ADK: variants seen among roughly 807,000 people sequenced by gnomAD.
ADK encodes the protein adenosine kinase.
In ADK, 24 loss-of-function variants were observed where a neutral mutation model predicts 44.7. That is an observed-to-expected ratio of 0.54 (90% CI 0.39 to 0.76). The LOEUF (loss-of-function observed/expected upper bound fraction) is 0.76. Ranked by LOEUF, ADK falls within the 30% of genes least tolerant of loss-of-function variation. The probability of loss-of-function intolerance (pLI) is 0.00; values close to 1 mark genes in which losing one functional copy is unlikely to be tolerated. For missense variants in ADK, 321 were observed against 425.1 expected (o/e 0.76, Z 2.15); for synonymous variants, 128 against 142.6 (o/e 0.90, Z 0.73).
Position 74,531,775 on chromosome 10 carries a change from CT to C in ADK, c.726+6351del, listed in dbSNP as rs200002761. Among the ~76,000 whole-genome samples the C allele has an allele frequency of 5.0e-3, 761 of 152,166 alleles. 4 individuals carry two copies. The highest frequency in any genetic ancestry group is 0.016 in the African/African-American group (681 of 41,526). On this transcript the variant is annotated intron_variant, in intron 7 of 10. Coordinates refer to ENST00000539909, the MANE Select transcript of ADK (RefSeq NM_006721.4). ...TCAACCTCCTGCACTGAAGCGAGTC[CT>C]TCTACCTCAGCCTCCCAAAGTGCTG...
chr10:74,627,127 A>G (rs1405541090), intron 9 of ADK, among the ~76,000 whole-genome samples: 1 of 152,122 alleles, frequency 6.6e-6, no homozygotes. Flanking sequence ...CATAGCATAT[A>G]TATATAAGCT....
chr10:74,636,976 A>C (rs114727424), intron 9 of ADK, among the ~76,000 whole-genome samples: 462 of 152,360 alleles, frequency 3.0e-3, no homozygotes, highest in African/African-American at 0.011. Context: ...GGATCACATC[A>C]CTAAGGGCAA....
In ADK at chr10:74,602,105, CAAAAAAA is replaced by C. The variant is rs58400071; in HGVS notation, c.877+1630_877+1636del. ...GGATGACAGACCAAGACCCTGTCTCCAAAAAAAAAAAAAAAAAAAAAAAAGAACGGAG... is the reference window on the plus strand; with the variant it reads ...GGATGACAGACCAAGACCCTGTCTCCAAAAAAAAAAAAAAAAAGAACGGAG... On this transcript the variant is annotated intron_variant, in intron 9 of 10. Coordinates refer to ENST00000539909, the MANE Select transcript of ADK (RefSeq NM_006721.4). Among the ~76,000 whole-genome samples, 3 of 48,788 alleles carry C rather than the reference CAAAAAAA, an allele frequency of 6.1e-5. No individual in the cohort carries two copies. The South Asian group carries it at 3.0e-3, about 49-fold the overall frequency. The allele number at this position is 48,788 out of a possible 152,430, so 32.0% of individuals were successfully genotyped here.
At position 74,317,484 on chromosome 10, in the gene ADK, G is replaced by C. The variant is rs11597376; in HGVS notation, c.273+2739G>C. 8.9e-3 allele frequency among the ~76,000 whole-genome samples: 1,345 copies of C among 151,314 alleles called. 14 individuals carry two copies. Among genetic ancestry groups the C allele is most frequent in the Non-Finnish European group, 0.014 (956 of 67,850 alleles). ...CTCATGCCTGTAATCCCAGCATTTTGAGAGGCTAAGTTAGGAGAATCGCTT... is the reference window on the plus strand; with the variant it reads ...CTCATGCCTGTAATCCCAGCATTTTCAGAGGCTAAGTTAGGAGAATCGCTT... On this transcript the variant is annotated intron_variant, in intron 4 of 10. Coordinates refer to ENST00000539909, the MANE Select transcript of ADK (RefSeq NM_006721.4).
chr10:74,389,742 T>C (rs1843273295), intron 4 of ADK, among the ~76,000 whole-genome samples: 1 of 152,184 alleles, frequency 6.6e-6, no homozygotes, highest in Admixed American at 6.5e-5. Flanking sequence ...AAATATTCGA[T>C]AGTAAAAGGA....
intron 4 of ADK, among the ~76,000 whole-genome samples, chr10:74,384,442 G>T (rs1367040657): frequency 3.3e-5 from 5 of 152,296 alleles, no homozygotes; most frequent in South Asian, 2.1e-4. Flanking sequence ...GGCCGAGGTG[G>T]ATGGATCACT....
At chr10:74,206,158 A>C (rs1165389988) in intron 2 of ADK, among the ~76,000 whole-genome samples, 2 of 152,242 alleles carry the variant, frequency 1.3e-5, no homozygotes, top group Non-Finnish European at 2.9e-5. Context: ...AAAAATTTGA[A>C]ATTTTATCGT....
chr10:74,433,128 A>G (rs1470140923), intron 6 of ADK, among the ~76,000 whole-genome samples: 5 of 152,188 alleles, frequency 3.3e-5, no homozygotes, highest in Non-Finnish European at 5.9e-5. Flanking sequence ...AAAATTACCA[A>G]AATGGATCAT....
At chr10:74,463,371 C>T (rs1296361885) in intron 6 of ADK, among the ~76,000 whole-genome samples, 2 of 152,156 alleles carry the variant, frequency 1.3e-5, no homozygotes, top group Non-Finnish European at 2.9e-5. Context: ...ACTAGACAGT[C>T]CCATCTGGGG....
intron 3 of ADK, among the ~76,000 whole-genome samples, chr10:74,236,627 C>T (rs1844968521): frequency 6.6e-6 from 1 of 152,086 alleles, no homozygotes; most frequent in Non-Finnish European, 1.5e-5. Context: ...TATCCATAAA[C>T]CACTTATATA....
At chr10:74,671,038 T>TAAAAAAAGAAA (rs1855153651) in intron 10 of ADK, among the ~76,000 whole-genome samples, 1 of 99,100 alleles carries the variant, frequency 1.0e-5, no homozygotes, top group Non-Finnish European at 1.9e-5. Context: ...CAGGTTAATT[T>TAAAAAAAGAAA]AAAAAAAAAA....
chr10:74,514,796 C>T (rs1848496295), intron 6 of ADK, among the ~76,000 whole-genome samples: 1 of 151,820 alleles, frequency 6.6e-6, no homozygotes, highest in African/African-American at 2.4e-5. Context: ...TATTGTTTTC[C>T]TTTTGACATT....
At chr10:74,363,679 C>G (rs1205660742) in intron 4 of ADK, among the ~76,000 whole-genome samples, 5 of 152,144 alleles carry the variant, frequency 3.3e-5, no homozygotes, top group African/African-American at 1.2e-4. Flanking sequence ...TGAGACTGGG[C>G]TCCCTCAGGA....
chr10:74,360,500 A>G (rs1352048405), intron 4 of ADK, among the ~76,000 whole-genome samples: 2 of 152,118 alleles, frequency 1.3e-5, no homozygotes, highest in Non-Finnish European at 2.9e-5. Context: ...ATCCCCTACT[A>G]TTATTGTATT....
chr10:74,524,804 A>C (rs114440338), intron 6 of ADK, among the ~76,000 whole-genome samples: 3 of 152,196 alleles, frequency 2.0e-5, no homozygotes, highest in African/African-American at 7.2e-5. Flanking sequence ...GGGCTGAGGT[A>C]GGAGGATTGC....
At chr10:74,426,413 A>G (rs1301226682) in intron 6 of ADK, among the ~76,000 whole-genome samples, 5 of 152,234 alleles carry the variant, frequency 3.3e-5, no homozygotes, top group Non-Finnish European at 5.9e-5. Context: ...ACAATAGACT[A>G]CTATGTTTAT....
chr10:74,667,578 G>A (rs1056955413), intron 9 of ADK, among the ~76,000 whole-genome samples: 2 of 150,762 alleles, frequency 1.3e-5, no homozygotes, highest in African/African-American at 4.9e-5. Context: ...TGTCGCCCAG[G>A]CTGGAGTGTA....
intron 1 of ADK, among the ~76,000 whole-genome samples, chr10:74,188,953 A>C (rs1278106412): frequency 1.3e-5 from 2 of 151,856 alleles, no homozygotes; most frequent in African/African-American, 4.8e-5. Context: ...TTGTATTTTT[A>C]GTAGAGACGG....
chr10:74,667,876 C>T (rs896959236), intron 9 of ADK, among the ~76,000 whole-genome samples: 3 of 151,974 alleles, frequency 2.0e-5, no homozygotes, highest in Non-Finnish European at 4.4e-5. Context: ...TAATCTCTTC[C>T]GTTGTCGATT....
Sources: gnomAD v4.1 joint callset for allele counts (sites outside exome capture counted in the v4.1 genomes callset) on GRCh38, gnomAD v4.1.1 for gene constraint, MANE v1.5 for transcripts, NCBI Gene and HGNC (gene_info 2026-07-23, HGNC 2026-07-21) for gene names.